Variants in P4HB observed in about 807,000 individuals in gnomAD.
P4HB encodes the protein prolyl 4-hydroxylase subunit beta, also known as protein disulfide-isomerase.
A neutral mutation model predicts 52.6 loss-of-function variants in P4HB; 20 were observed. The ratio of observed to expected loss-of-function variants is 0.38; its 90% confidence interval spans 0.27 to 0.55. The LOEUF (loss-of-function observed/expected upper bound fraction) is 0.55, where lower values mean the gene tolerates loss of function less well. Ranked by LOEUF, P4HB falls within the 20% of genes least tolerant of loss-of-function variation. P4HB has a pLI of 0.74. For missense variants in P4HB, 601 were observed against 669.2 expected (o/e 0.90, Z 1.12); for synonymous variants, 296 against 277.9 (o/e 1.07, Z -0.65).
chr17:81,860,295 AG>A, intron 1 of P4HB, 31 bp downstream of exon 1: 1 of 1,410,196 alleles, frequency 7.1e-7, no homozygotes. Context: ...AGCGGCCCCG[AG>A]CCCCGCCCGC....
intron 4 of P4HB, 40 bp from the exon 5 acceptor site, chr17:81,847,387 G>A (rs754293944): frequency 2.6e-6 from 4 of 1,538,004 alleles, no homozygotes; most frequent in Non-Finnish European, 3.6e-6. Flanking sequence ...CATTGCTGCT[G>A]GGAGCACAGC....
chr17:81,855,570 A>G lies in P4HB; in HGVS notation c.369T>C (p.Asp123=), dbSNP rs1256932484. ...GCTTCTTCAGCCAGTTCACGATGTC[A>G]TCAGCCTCTCTGCCAGCTAACCCCA... ...PKEYTAGREA[D]DIVNWLKKRT... Residue 123 remains aspartate (D), a synonymous_variant, in exon 3 of 11, where the codon GAT becomes GAC. Coordinates refer to ENST00000331483, the MANE Select transcript of P4HB (RefSeq NM_000918.4). The surrounding 1 kb of genome is among the most constrained non-coding windows in gnomAD (Gnocchi z 4.3). 1.9e-6 allele frequency: 3 copies of G among 1,613,628 alleles called. No individual in the cohort carries two copies. Among genetic ancestry groups the G allele is most frequent in the African/African-American group, 1.3e-5 (1 of 74,934 alleles).
rs138516145 is a variant in P4HB, at chr17:81,847,493, A to G, written c.625-146T>C. On this transcript the variant is annotated intron_variant, in intron 4 of 10. Transcript: ENST00000331483. ...GAGCCACAGGTCCAGCAATGGGTACAGGACATGGCTGTTCCTCGACAGTAA... is the reference window on the plus strand; with the variant it reads ...GAGCCACAGGTCCAGCAATGGGTACGGGACATGGCTGTTCCTCGACAGTAA... 25,246 of 686,488 alleles carry G rather than the reference A, an allele frequency of 0.037. 1,677 individuals carry two copies. The highest frequency in any genetic ancestry group is 0.19 in the East Asian group (7,252 of 37,952). 42.5% of individuals were successfully genotyped at this position (686,488 alleles called of 1,614,324 possible).
chr17:81,847,103 A>G (rs201671991), intron 5 of P4HB, 31 bp from the exon 6 acceptor site: 169 of 1,613,542 alleles, frequency 1.0e-4, no homozygotes, highest in Non-Finnish European at 1.8e-5. Context: ...ACTGGGTCTG[A>G]GTCACACACT....
At position 81,846,645 on chromosome 17, in the gene P4HB, A is replaced by C. The variant is rs758174604; in HGVS notation, c.856-16T>G. 1 of 1,610,898 alleles carries C rather than the reference A, an allele frequency of 6.2e-7. No homozygotes were observed. The highest frequency in any genetic ancestry group is 1.1e-5 in the South Asian group (1 of 91,044). ...TGAACAGGATCTGGGGGAGAAAAGG[A>C]GGTTGCACAGGTGCGGGAGACGGCT... is the stretch of plus-strand genomic sequence containing the variant. On this transcript the variant is annotated splice_polypyrimidine_tract_variant and intron_variant, in intron 6 of 10. Coordinates refer to ENST00000331483, the MANE Select transcript of P4HB (RefSeq NM_000918.4). This position sits in a 1 kb window ranked among gnomAD's most constrained non-coding sequence, Gnocchi z 5.7.
Position 81,855,375 on chromosome 17 carries a change from G to C in P4HB, c.486+78C>G. 1.3e-6 allele frequency: 2 copies of C among 1,596,960 alleles called. No homozygotes were observed. Among genetic ancestry groups the C allele is most frequent in the South Asian group, 1.1e-5 (1 of 89,476 alleles). On this transcript the variant is annotated intron_variant, in intron 3 of 10. Transcript: ENST00000331483. The surrounding 1 kb of genome is among the most constrained non-coding windows in gnomAD (Gnocchi z 4.3). ...GCCCAGGCCAGGGGGGACACGTGCA[G>C]AACTGCCAGCTGCAGGCTGTGGACC...
intron 4 of P4HB, among the ~76,000 whole-genome samples, chr17:81,852,784 T>C (rs1006567690): frequency 3.3e-5 from 5 of 152,194 alleles, no homozygotes; most frequent in South Asian, 2.1e-4. Flanking sequence ...CGGACACATA[T>C]CACCAAACTG....
chr17:81,860,436 G>C lies in P4HB; in HGVS notation c.36C>G (p.Ala12=). ...LRRALLCLAV[A]ALVRADAPEE... is the part of the protein sequence containing the mutation. ...CGGGGGCGTCGGCGCGCACCAGGGC[G>C]GCCACGGCCAGGCACAGCAGAGCGC... Residue 12 remains alanine (A), a synonymous_variant, in exon 1 of 11, where the codon GCC becomes GCG. Coordinates refer to ENST00000331483, the MANE Select transcript of P4HB (RefSeq NM_000918.4). 7.1e-7 allele frequency: 1 copy of C among 1,410,258 alleles called. No homozygotes were observed. Among genetic ancestry groups the C allele is most frequent in the East Asian group, 3.1e-5 (1 of 32,618 alleles). 87.4% of individuals were successfully genotyped at this position (1,410,258 alleles called of 1,614,324 possible).
At chr17:81,844,125 G>A (rs2038695177) in intron 10 of P4HB, 33 bp from the exon 11 acceptor site, 1 of 1,482,680 alleles carries the variant, frequency 6.7e-7, no homozygotes, top group African/African-American at 1.4e-5. Flanking sequence ...GGGCGGGCAG[G>A]TTGGCTGCAA....
In P4HB at chr17:81,845,232, T is replaced by C; in HGVS notation, c.1360-2A>G. 6.2e-7 allele frequency: 1 copy of C among 1,610,896 alleles called. No homozygotes were observed. The stretch of plus-strand genomic sequence containing the variant: ...GCGTTCCCCGTTGTAATCAATGACC[T>C]GTGGAAGACAGGGATGAGTGCAGGG... On this transcript the variant is annotated splice_acceptor_variant, in intron 9 of 10. Transcript: ENST00000331483. LOFTEE classifies it high-confidence loss of function.
chr17:81,853,552 CGACAGA>C (rs2038866205), intron 4 of P4HB, among the ~76,000 whole-genome samples: 1 of 150,520 alleles, frequency 6.6e-6, no homozygotes, highest in African/African-American at 2.5e-5. Context: ...CCAGCCTGGG[CGACAGA>C]GACAGACTCT....
chr17:81,859,362 C>T lies in P4HB; in HGVS notation c.171G>A (p.Lys57=), dbSNP rs778235756. 3 of 1,613,790 alleles carry T rather than the reference C, an allele frequency of 1.9e-6. No homozygotes were observed. The South Asian group carries it at 3.3e-5, about 18-fold the overall frequency. The change falls in exon 2 of 11, where the codon AAG becomes AAA. Residue 57 remains lysine, a synonymous_variant. Coordinates refer to ENST00000331483, the MANE Select transcript of P4HB (RefSeq NM_000918.4). Reference sequence around the variant, plus strand: ...CTTTGGCATACTCAGGGGCCAGAGCCTTGCAGTGGCCACACCAAGGGGCAT... The same window carrying T: ...CTTTGGCATACTCAGGGGCCAGAGCTTTGCAGTGGCCACACCAAGGGGCAT... ...EFYAPWCGHC[K]ALAPEYAKAA...
At position 81,855,871 on chromosome 17, in the gene P4HB, ATTTTCTT is replaced by A; in HGVS notation, c.353-292_353-286del. 1 of 370,606 alleles carries A rather than the reference ATTTTCTT, an allele frequency of 2.7e-6. No homozygotes were observed. Among genetic ancestry groups the A allele is most frequent in the South Asian group, 6.2e-5 (1 of 16,214 alleles). The allele number at this position is 370,606 out of a possible 1,614,324, so 23.0% of individuals were successfully genotyped here. A position where few individuals can be genotyped will look rare whatever the true frequency, so the allele number is the denominator to read the frequency against. On this transcript the variant is annotated intron_variant, in intron 2 of 10. Transcript: ENST00000331483. The surrounding 1 kb of genome is among the most constrained non-coding windows in gnomAD (Gnocchi z 4.3). ...CATTTTTTTTCTCTGATCTCTCTGC[ATTTTCTT>A]TTTTCTTTTGACACAGGGGCTCACT...
Position 81,845,939 on chromosome 17 carries a change from T to G in P4HB, c.1109A>C (p.Lys370Thr). The G allele has an allele frequency of 6.2e-7, 1 of 1,613,346 alleles. No homozygotes were observed. The highest frequency in any genetic ancestry group is 1.1e-5 in the South Asian group (1 of 90,954). The change falls in exon 8 of 11, where the codon AAG (lysine) becomes ACG (threonine). Residue 370 changes from lysine to threonine, a missense_variant. Transcript: ENST00000331483. ...TTCAAAGTTCTTCCCAACAAGCACC[T>G]TGACAGGCTGCTTGTCCCAGTCCTC... is the stretch of plus-strand genomic sequence containing the variant. ...LPEDWDKQPV[K>T]VLVGKNFEDV...
intron 1 of P4HB, chr17:81,859,724 A>G (rs2038967732): frequency 5.7e-6 from 2 of 349,612 alleles, no homozygotes; most frequent in Admixed American, 4.2e-5. Flanking sequence ...TTTCCCTTTA[A>G]GACTACAGAC....
At position 81,846,667 on chromosome 17, in the gene P4HB, G is replaced by A. The variant is rs749582683; in HGVS notation, c.856-38C>T. The A allele has an allele frequency of 1.3e-5, 20 of 1,584,692 alleles. No homozygotes were observed. In the East Asian group the frequency reaches 2.7e-4, roughly 21 times the overall value. ...AGGAGGTTGCACAGGTGCGGGAGAC[G>A]GCTGGCCTCTGCCTCCAGCCCTGAC... On this transcript the variant is annotated intron_variant, in intron 6 of 10. Transcript: ENST00000331483. This position sits in a 1 kb window ranked among gnomAD's most constrained non-coding sequence, Gnocchi z 5.7.
At chr17:81,847,222 G>C in intron 5 of P4HB, 21 bp downstream of exon 5, 1 of 1,611,938 alleles carries the variant, frequency 6.2e-7, no homozygotes, top group South Asian at 1.1e-5. Context: ...CCCCAGCCTG[G>C]GGGCTGCAGG....
intron 4 of P4HB, among the ~76,000 whole-genome samples, chr17:81,848,780 C>G (rs979948706): frequency 1.4e-5 from 2 of 142,902 alleles, no homozygotes; most frequent in Non-Finnish European, 3.0e-5. Flanking sequence ...TGCAGTGGCT[C>G]ACACCTGTAA....
chr17:81,848,933 C>T (rs1337678790), intron 4 of P4HB, among the ~76,000 whole-genome samples: 9 of 149,082 alleles, frequency 6.0e-5, no homozygotes, highest in South Asian at 2.1e-4. Context: ...GTAATCCCAG[C>T]TGCTCGGGAG....
Sources: allele counts gnomAD v4.1 joint callset (sites outside exome capture counted in the v4.1 genomes callset), GRCh38; gene constraint gnomAD v4.1.1; non-coding constraint Gnocchi (gnomAD v3.1); transcripts MANE v1.5; gene names NCBI Gene and HGNC (gene_info 2026-07-23, HGNC 2026-07-21).